Variants in COIL observed in about 807,000 individuals in gnomAD.
COIL encodes the protein coilin.
Under a neutral mutation model 51.6 loss-of-function variants are expected in COIL, and 28 were observed. The ratio of observed to expected loss-of-function variants is 0.54; its 90% CI spans 0.40 to 0.74. The LOEUF (loss-of-function observed/expected upper bound fraction) is 0.74, where lower values mean the gene tolerates loss of function less well. Among genes scored for constraint, COIL ranks in the 30% least tolerant of loss-of-function variants. The pLI is 0.00. For synonymous variants in COIL, 233 were observed against 255.8 expected, an observed-to-expected ratio of 0.91 and a Z score of 0.85; for missense variants, 667 against 685.9, an observed-to-expected ratio of 0.97 and a Z score of 0.31.
intron 1 of COIL, among the ~76,000 whole-genome samples, chr17:56,955,609 A>AT (rs1158549904): frequency 6.6e-6 from 1 of 152,126 alleles, no homozygotes; most frequent in Non-Finnish European, 1.5e-5. Context: ...TTTCTCATCT[A>AT]TAAAAATGGG....
chr17:56,953,225 C>T (rs899515526), intron 1 of COIL, among the ~76,000 whole-genome samples: 2 of 151,996 alleles, frequency 1.3e-5, no homozygotes, highest in African/African-American at 4.8e-5. Context: ...TCCTGGCTAA[C>T]ACAGTGAAAC....
At chr17:56,949,563 C>T in intron 3 of COIL, 118 bp downstream of exon 3, 1 of 1,349,012 alleles carries the variant, frequency 7.4e-7, no homozygotes, top group Non-Finnish European at 1.1e-6. Flanking sequence ...GAACCCGTAA[C>T]AACACTGGGG....
chr17:56,949,786 C>A lies in COIL; in HGVS notation c.1354-19G>T. On this transcript the variant is annotated intron_variant, in intron 2 of 6. Transcript: ENST00000240316. The stretch of plus-strand genomic sequence containing the variant: ...CTGGATTCTGAAAAACAGTGTTAGT[C>A]ATGTGACATCATCACTGGTGAGAAA... The A allele has an allele frequency of 1.2e-6, 2 of 1,612,100 alleles. No individual in the cohort carries two copies. The highest frequency in any genetic ancestry group is 1.1e-5 in the South Asian group (1 of 91,024).
Position 56,949,992 on chromosome 17 carries a change from C to G in COIL, c.1250G>C (p.Arg417Pro). ...AKGRGMRGRG[R>P]GRGHPVSCVV... ...ACAGGAAACAGGATGCCCTCGTCCTCGACCTCTCCCCCGCATGCCCCGTCC... is the reference window on the plus strand; with the variant it reads ...ACAGGAAACAGGATGCCCTCGTCCTGGACCTCTCCCCCGCATGCCCCGTCC... Residue 417 changes from arginine (R) to proline (P), a missense_variant, in exon 2 of 7, where the codon CGA (arginine) becomes CCA (proline). By Grantham distance (103) the Arg-to-Pro change is moderately radical (BLOSUM62 -2). Coordinates refer to ENST00000240316, the MANE Select transcript of COIL (RefSeq NM_004645.3). 6.2e-7 allele frequency: 1 copy of G among 1,614,162 alleles called. No homozygotes were observed. The highest frequency in any genetic ancestry group is 8.5e-7 in the Non-Finnish European group (1 of 1,180,026).
At chr17:56,956,701 C>T (rs1227445130) in intron 1 of COIL, among the ~76,000 whole-genome samples, 1 of 152,160 alleles carries the variant, frequency 6.6e-6, no homozygotes, top group Non-Finnish European at 1.5e-5. Context: ...AAATGATCCT[C>T]CCACCTCAGC....
In COIL at chr17:56,950,240, C is replaced by T. The variant is rs777201515; in HGVS notation, c.1002G>A (p.Pro334=). 2.4e-5 allele frequency: 38 copies of T among 1,614,060 alleles called. No individual in the cohort carries two copies. Among genetic ancestry groups the T allele is most frequent in the East Asian group, 4.5e-5 (2 of 44,898 alleles). The stretch of plus-strand genomic sequence containing the variant: ...TCTTTAAGAAACCCGCAGCACACTC[C>T]GGGGTGCTCGATGACATCAAGCATT... ...DDQCLMSSST[P]ECAAGFLKTV... Residue 334 remains proline (P), a synonymous_variant, in exon 2 of 7, where the codon CCG becomes CCA. Transcript: ENST00000240316.
chr17:56,943,997 C>T (rs762183096), intron 5 of COIL, among the ~76,000 whole-genome samples: 2 of 151,244 alleles, frequency 1.3e-5, no homozygotes, highest in African/African-American at 2.4e-5. Flanking sequence ...TCTCAAGTAG[C>T]GAGGACTACA....
Position 56,938,233 on chromosome 17 carries a change from C to T in COIL, c.*838G>A, listed in dbSNP as rs965715289. 1 of 152,192 alleles carries T rather than the reference C, an allele frequency of 6.6e-6. No homozygotes were observed. The highest frequency in any genetic ancestry group is 6.5e-5 in the Admixed American group (1 of 15,274). 9.4% of individuals were successfully genotyped at this position (152,192 alleles called of 1,614,324 possible). On this transcript the variant is annotated 3_prime_UTR_variant, in exon 7 of 7. Coordinates refer to ENST00000240316, the MANE Select transcript of COIL (RefSeq NM_004645.3). ...ATATGATTTTATTTAAAAATGTGTACAGCTGAAGGAGGGATCTGATCTTTT... is the reference window on the plus strand; with the variant it reads ...ATATGATTTTATTTAAAAATGTGTATAGCTGAAGGAGGGATCTGATCTTTT...
intron 4 of COIL, among the ~76,000 whole-genome samples, chr17:56,947,496 A>G (rs993298143): frequency 1.3e-5 from 2 of 152,096 alleles, no homozygotes; most frequent in Non-Finnish European, 2.9e-5. Context: ...TTTTTTTAAG[A>G]GTCTCGTTTT....
At chr17:56,947,165 G>T (rs1910266781) in intron 4 of COIL, among the ~76,000 whole-genome samples, 2 of 152,112 alleles carry the variant, frequency 1.3e-5, no homozygotes, top group African/African-American at 4.8e-5. Context: ...AGTTCCTCCT[G>T]CCTCTACCTG....
At chr17:56,951,163 A>G (rs1910363314) in intron 1 of COIL, among the ~76,000 whole-genome samples, 167 bp from the exon 2 acceptor site, 1 of 152,262 alleles carries the variant, frequency 6.6e-6, no homozygotes, top group African/African-American at 2.4e-5. Context: ...TGGCCTATGT[A>G]GCATTACTCA....
chr17:56,944,889 C>A (rs532284795), intron 5 of COIL, among the ~76,000 whole-genome samples: 1 of 150,636 alleles, frequency 6.6e-6, no homozygotes, highest in African/African-American at 2.4e-5. Flanking sequence ...TGGCGGCCAG[C>A]GCCTGTAGTT....
At chr17:56,945,637 G>A (rs1321288128) in intron 5 of COIL, among the ~76,000 whole-genome samples, 2 of 152,172 alleles carry the variant, frequency 1.3e-5, no homozygotes, top group Non-Finnish European at 2.9e-5. Flanking sequence ...TAGGTCTTAT[G>A]AGTTCACTGA....
chr17:56,950,995 C>T lies in COIL; in HGVS notation c.247G>A (p.Val83Ile). The change falls in exon 2 of 7, where the codon GTT becomes ATT. Residue 83 changes from valine (V) to isoleucine (I), a missense_variant and splice_region_variant. Physicochemically the swap from Val to Ile is conservative, Grantham distance 29. Coordinates refer to ENST00000240316, the MANE Select transcript of COIL (RefSeq NM_004645.3). ...RLVRDNDCLR[V>I]KLEERGVAEN... Reference sequence around the variant, plus strand: ...GCAACTCCTCTCTCTTCTAATTTAACTCTGTCAAAAGAACAAGAGAGAAAG... The same window carrying T: ...GCAACTCCTCTCTCTTCTAATTTAATTCTGTCAAAAGAACAAGAGAGAAAG... The T allele has an allele frequency of 1.3e-6, 2 of 1,596,132 alleles. No individual in the cohort carries two copies. Among genetic ancestry groups the T allele is most frequent in the Non-Finnish European group, 1.7e-6 (2 of 1,176,698 alleles).
In COIL at chr17:56,953,133, T is replaced by C. The variant is rs113944759; in HGVS notation, c.246-2137A>G. On this transcript the variant is annotated intron_variant, in intron 1 of 6. Transcript: ENST00000240316. Reference sequence around the variant, plus strand: ...TCTCTACAAAATACAAACATCAGGCTGGGCACGGTGGCTCACGCCTGTAAT... The same window carrying C: ...TCTCTACAAAATACAAACATCAGGCCGGGCACGGTGGCTCACGCCTGTAAT... Among the ~76,000 whole-genome samples the C allele has an allele frequency of 3.4e-3, 517 of 151,152 alleles. 4 individuals carry two copies. The highest frequency in any genetic ancestry group is 0.011 in the African/African-American group (436 of 40,918).
intron 1 of COIL, 99 bp from the exon 2 acceptor site, chr17:56,951,095 C>T (rs1910362152): frequency 8.6e-7 from 1 of 1,160,278 alleles, no homozygotes; most frequent in Non-Finnish European, 1.2e-6. Context: ...ATGTAACTAC[C>T]ATCAGTCAAT....
intron 4 of COIL, 72 bp from the exon 5 acceptor site, chr17:56,946,583 G>A (rs1910254436): frequency 1.2e-5 from 11 of 954,460 alleles, no homozygotes; most frequent in African/African-American, 1.6e-5. Context: ...CCACTGAATT[G>A]TAGACTTTAA....
intron 4 of COIL, among the ~76,000 whole-genome samples, chr17:56,949,105 C>T (rs912944007): frequency 3.3e-5 from 5 of 151,874 alleles, no homozygotes; most frequent in Non-Finnish European, 5.9e-5. Context: ...AAGATCCTGT[C>T]GCTATTTAAA....
At chr17:56,957,307 A>T (rs1218488975) in intron 1 of COIL, among the ~76,000 whole-genome samples, 1 of 151,632 alleles carries the variant, frequency 6.6e-6, no homozygotes, top group African/African-American at 2.4e-5. Context: ...ATTAAAAAAA[A>T]TTTAAAAATT....
Sources: gnomAD v4.1 joint callset for allele counts (sites outside exome capture counted in the v4.1 genomes callset) on GRCh38, gnomAD v4.1.1 for gene constraint, MANE v1.5 for transcripts, NCBI Gene and HGNC (gene_info 2026-07-23, HGNC 2026-07-21) for gene names.